The following RBMXL3 variants were observed in gnomAD, a reference collection of about 807,000 sequenced individuals.
The protein encoded by RBMXL3 is RBMX like 3.
Under a neutral mutation model 0.8 loss-of-function variants are expected in RBMXL3, and 2 were observed. The observed-to-expected ratio is 2.54, with a 90% CI of 1.04 to 8.00. The LOEUF (loss-of-function observed/expected upper bound fraction) is 8.00, where lower values mean the gene tolerates loss of function less well. RBMXL3 is among the 30% of genes most tolerant of loss of function. RBMXL3 has a pLI of 0.04. For missense variants in RBMXL3, 1,127 were observed against 1,068.0 expected (o/e 1.06, Z -0.77); for synonymous variants, 447 against 449.8 (o/e 0.99, Z 0.08).
In RBMXL3 at chrX:115,192,217, G is replaced by A. The variant is rs781783386; in HGVS notation, c.2776G>A (p.Gly926Arg). 15 of 1,160,519 alleles carry A rather than the reference G, an allele frequency of 1.3e-5. No homozygotes were observed. Among genetic ancestry groups the A allele is most frequent in the African/African-American group, 5.5e-5 (3 of 54,517 alleles). The change falls in exon 1 of 1, where the codon GGG (glycine) becomes AGG (arginine). Residue 926 changes from glycine to arginine, a missense_variant. By Grantham distance (125) the Gly-to-Arg change is moderately radical. Transcript: ENST00000424776. ...AGGCCGCTCGCCCAATGCCTACGGC[G>A]GGGGCCGCGGCCTCAACAGTTCCAA... is the stretch of plus-strand genomic sequence containing the variant. ...YQGRSPNAYG[G>R]GRGLNSSNNS...
chrX:115,191,248 A>G lies in RBMXL3; in HGVS notation c.1807A>G (p.Ser603Gly). Residue 603 changes from serine to glycine, a missense_variant, in exon 1 of 1, where the codon AGT becomes GGT. Physicochemically the swap from Ser to Gly is moderately conservative, Grantham distance 56. Coordinates refer to ENST00000424776, the MANE Select transcript of RBMXL3 (RefSeq NM_001145346.2). Reference protein sequence around the residue: ...EYRGRSLDANSGGRSPNAYSG... With the variant: ...EYRGRSLDANGGGRSPNAYSG... ...CCGAGGCCGCTCCCTCGATGCCAAC[A>G]GTGGAGGCCGCTCGCCCAATGCCTA... The G allele has an allele frequency of 8.7e-7, 1 of 1,153,171 alleles. No individual in the cohort carries two copies.
At position 115,190,118 on chromosome X, in the gene RBMXL3, C is replaced by T. The variant is rs963276787; in HGVS notation, c.677C>T (p.Pro226Leu). 2.2e-5 allele frequency: 26 copies of T among 1,156,680 alleles called. No homozygotes were observed. The highest frequency in any genetic ancestry group is 2.9e-5 in the Non-Finnish European group (25 of 867,216). Reference sequence around the variant, plus strand: ...GGCAGTGGAATGCCTGGGAAGGCCCCGGCCGTGTGGGGGCAAGATGGCTAC... The same window carrying T: ...GGCAGTGGAATGCCTGGGAAGGCCCTGGCCGTGTGGGGGCAAGATGGCTAC... ...IGGSGMPGKA[P>L]AVWGQDGYSG... is the part of the protein sequence containing the mutation. The change falls in exon 1 of 1, where the codon CCG (proline) becomes CTG (leucine). Residue 226 changes from proline (P) to leucine (L), a missense_variant. Coordinates refer to ENST00000424776, the MANE Select transcript of RBMXL3 (RefSeq NM_001145346.2).
chrX:115,190,302 C>A lies in RBMXL3; in HGVS notation c.861C>A (p.Arg287=). 1.7e-6 allele frequency: 2 copies of A among 1,151,731 alleles called. No homozygotes were observed. Among genetic ancestry groups the A allele is most frequent in the Non-Finnish European group, 1.2e-6 (1 of 863,610 alleles). The allele number at this position is 1,151,731 out of a possible 1,213,427, so 94.9% of individuals were successfully genotyped here. A position where few individuals can be genotyped will look rare whatever the true frequency, so the allele number is the denominator to read the frequency against. Residue 287 remains arginine (R), a synonymous_variant, in exon 1 of 1, where the codon CGC becomes CGA. Coordinates refer to ENST00000424776, the MANE Select transcript of RBMXL3 (RefSeq NM_001145346.2). ...GDGNQNGYRG[R]DHEYTDHPSK... The stretch of plus-strand genomic sequence containing the variant: ...GCAACCAAAATGGCTACAGGGGTCG[C>A]GACCATGAGTACACAGATCATCCCA...
chrX:115,191,823 C>T lies in RBMXL3; in HGVS notation c.2382C>T (p.Arg794=), dbSNP rs782352209. The change falls in exon 1 of 1, where the codon CGC becomes CGT. Residue 794 remains arginine, a synonymous_variant. Transcript: ENST00000424776. ...CGCTCGATGCCAACAGCGGAGGCCG[C>T]TCACCCAATGCCTACAGCGGGGGCC... ...GRSLDANSGG[R]SPNAYSGGHN... is the part of the protein sequence containing the mutation. 4.3e-6 allele frequency: 5 copies of T among 1,150,399 alleles called. No homozygotes were observed. The highest frequency in any genetic ancestry group is 5.8e-6 in the Non-Finnish European group (5 of 862,519). 94.8% of individuals were successfully genotyped at this position (1,150,399 alleles called of 1,213,427 possible).
Position 115,192,423 on chromosome X carries a change from C to T in RBMXL3, c.2982C>T (p.Tyr994=). The change falls in exon 1 of 1, where the codon TAC becomes TAT. Residue 994 remains tyrosine (Y), a synonymous_variant. Transcript: ENST00000424776. ...ACCAGGGCAGCTTGCCTGACGCCTACAGCGGCGACCACGACAGATCCAGCA... is the reference window on the plus strand; with the variant it reads ...ACCAGGGCAGCTTGCCTGACGCCTATAGCGGCGACCACGACAGATCCAGCA... ...EEYQGSLPDA[Y]SGDHDRSSNS... The T allele has an allele frequency of 8.6e-7, 1 of 1,166,602 alleles. No individual in the cohort carries two copies. Among genetic ancestry groups the T allele is most frequent in the Non-Finnish European group, 1.1e-6 (1 of 871,785 alleles).
At position 115,192,494 on chromosome X, in the gene RBMXL3, T is replaced by C; in HGVS notation, c.3053T>C (p.Val1018Ala). 8.5e-7 allele frequency: 1 copy of C among 1,170,325 alleles called. No homozygotes were observed. Among genetic ancestry groups the C allele is most frequent in the Non-Finnish European group, 1.1e-6 (1 of 874,764 alleles). ...CGCTACTCGAGGGGTCGAGACCGGGTAGGCAGACCGGATCGTGGGCTCCCT... is the reference window on the plus strand; with the variant it reads ...CGCTACTCGAGGGGTCGAGACCGGGCAGGCAGACCGGATCGTGGGCTCCCT... ...SDRYSRGRDR[V>A]GRPDRGLPLP... Residue 1018 changes from valine to alanine, a missense_variant, in exon 1 of 1, where the codon GTA (valine) becomes GCA (alanine). Val to Ala is a moderately conservative substitution (Grantham distance 64). Transcript: ENST00000424776.
Position 115,191,829 on chromosome X carries a change from C to G in RBMXL3, c.2388C>G (p.Pro796=), listed in dbSNP as rs782130376. 3.5e-6 allele frequency: 4 copies of G among 1,148,442 alleles called. No homozygotes were observed. In the Admixed American group the frequency reaches 1.1e-4, roughly 31 times the overall value. 94.6% of individuals were successfully genotyped at this position (1,148,442 alleles called of 1,213,427 possible). A position where few individuals can be genotyped will look rare whatever the true frequency, so the allele number is the denominator to read the frequency against. ...ATGCCAACAGCGGAGGCCGCTCACC[C>G]AATGCCTACAGCGGGGGCCACAACA... is the stretch of plus-strand genomic sequence containing the variant. The part of the protein sequence containing the change: ...SLDANSGGRS[P]NAYSGGHNSS... The change falls in exon 1 of 1, where the codon CCC becomes CCG. Residue 796 remains proline (P), a synonymous_variant. Transcript: ENST00000424776.
chrX:115,190,739 C>A lies in RBMXL3; in HGVS notation c.1298C>A (p.Ala433Asp). 9.0e-7 allele frequency: 1 copy of A among 1,116,510 alleles called. No homozygotes were observed. Among genetic ancestry groups the A allele is most frequent in the Non-Finnish European group, 1.2e-6 (1 of 846,978 alleles). 92.0% of individuals were successfully genotyped at this position (1,116,510 alleles called of 1,213,427 possible). The change falls in exon 1 of 1, where the codon GCC becomes GAC. Residue 433 changes from alanine to aspartate, a missense_variant. Physicochemically the swap from Ala to Asp is moderately radical, Grantham distance 126. Coordinates refer to ENST00000424776, the MANE Select transcript of RBMXL3 (RefSeq NM_001145346.2). Reference protein sequence around the residue: ...YEEYRGRSHEARSGGRSTDAH... With the variant: ...YEEYRGRSHEDRSGGRSTDAH... ...GAGTACCGAGGCCGCTCACACGAGG[C>A]CCGCAGCGGGGGCCGCTCCACTGAT...
Position 115,191,197 on chromosome X carries a change from G to A in RBMXL3, c.1756G>A (p.Gly586Arg), listed in dbSNP as rs782358096. 6.1e-5 allele frequency: 71 copies of A among 1,157,674 alleles called. 1 individual carries two copies. In the East Asian group the frequency reaches 7.0e-4, roughly 11 times the overall value. ...HDSSSQSNRY[G>R]GGGCYEEYRG... ...CAGTTCCAGCCAGAGCAACCGCTAC[G>A]GAGGAGGAGGCTGCTACGAGGAGTA... is the stretch of plus-strand genomic sequence containing the variant. The change falls in exon 1 of 1, where the codon GGA becomes AGA. Residue 586 changes from glycine to arginine, a missense_variant. Physicochemically the swap from Gly to Arg is moderately radical, Grantham distance 125. Coordinates refer to ENST00000424776, the MANE Select transcript of RBMXL3 (RefSeq NM_001145346.2).
rs961710908 is a variant in RBMXL3 at position 115,192,747 on chromosome X, T to C, written c.*102T>C. 18 of 858,481 alleles carry C rather than the reference T, an allele frequency of 2.1e-5. No homozygotes were observed. In the African/African-American group the frequency reaches 3.1e-4, roughly 15 times the overall value. 70.7% of individuals were successfully genotyped at this position (858,481 alleles called of 1,213,427 possible). A position where few individuals can be genotyped will look rare whatever the true frequency, so the allele number is the denominator to read the frequency against. ...GGACTAGTATAAGTAGGAGTTGTTT[T>C]TACCTTTTAAGAATTTCCTGTTAAG... On this transcript the variant is annotated 3_prime_UTR_variant, in exon 1 of 1. Coordinates refer to ENST00000424776, the MANE Select transcript of RBMXL3 (RefSeq NM_001145346.2).
At position 115,192,281 on chromosome X, in the gene RBMXL3, G is replaced by C; in HGVS notation, c.2840G>C (p.Gly947Ala). 1 of 1,166,122 alleles carries C rather than the reference G, an allele frequency of 8.6e-7. No individual in the cohort carries two copies. The highest frequency in any genetic ancestry group is 1.9e-5 in the South Asian group (1 of 52,613). The change falls in exon 1 of 1, where the codon GGC (glycine) becomes GCC (alanine). Residue 947 changes from glycine to alanine, a missense_variant. Physicochemically the swap from Gly to Ala is moderately conservative, Grantham distance 60 (BLOSUM62 0). Coordinates refer to ENST00000424776, the MANE Select transcript of RBMXL3 (RefSeq NM_001145346.2). The part of the protein sequence containing the change: ...HGRSHRYGGG[G>A]RYEEYRGPSP... ...CGGAGCCACCGCTACGGAGGAGGAG[G>C]CCGCTACGAGGAGTACCGAGGCCCC...
Position 115,189,754 on chromosome X carries a change from T to C in RBMXL3, c.313T>C (p.Ser105Pro), listed in dbSNP as rs782096253. The C allele has an allele frequency of 1.1e-5, 13 of 1,165,678 alleles. No homozygotes were observed. The Admixed American group carries it at 3.1e-4, about 28-fold the overall frequency. Residue 105 changes from serine to proline, a missense_variant, in exon 1 of 1, where the codon TCA (serine) becomes CCA (proline). Physicochemically the swap from Ser to Pro is moderately conservative, Grantham distance 74. Transcript: ENST00000424776. ...GCCAACCCCCGGCAGCGGCAGTCGC[T>C]CAAGGTTCTCACACAGAACCCGTGG... The part of the protein sequence containing the change: ...VPPTPGSGSR[S>P]RFSHRTRGGG...
Position 115,189,582 on chromosome X carries a change from G to C in RBMXL3, c.141G>C (p.Lys47Asn). ...VFLMKDRKTN[K>N]SRGFAFVTFE... Reference sequence around the variant, plus strand: ...TGATGAAAGACCGAAAAACCAACAAGTCGAGGGGCTTCGCGTTCGTCACCT... The same window carrying C: ...TGATGAAAGACCGAAAAACCAACAACTCGAGGGGCTTCGCGTTCGTCACCT... Residue 47 changes from lysine (K) to asparagine (N), a missense_variant, in exon 1 of 1, where the codon AAG becomes AAC. Coordinates refer to ENST00000424776, the MANE Select transcript of RBMXL3 (RefSeq NM_001145346.2). The C allele has an allele frequency of 8.5e-7, 1 of 1,172,059 alleles. No homozygotes were observed. The highest frequency in any genetic ancestry group is 1.1e-6 in the Non-Finnish European group (1 of 875,068).
At position 115,192,214 on chromosome X, in the gene RBMXL3, G is replaced by A. The variant is rs1184269104; in HGVS notation, c.2773G>A (p.Gly925Ser). ...CCAAGGCCGCTCGCCCAATGCCTAC[G>A]GCGGGGGCCGCGGCCTCAACAGTTC... ...EYQGRSPNAY[G>S]GGRGLNSSNN... The change falls in exon 1 of 1, where the codon GGC becomes AGC. Residue 925 changes from glycine (G) to serine (S), a missense_variant. Coordinates refer to ENST00000424776, the MANE Select transcript of RBMXL3 (RefSeq NM_001145346.2). The A allele has an allele frequency of 3.4e-6, 4 of 1,161,555 alleles. No individual in the cohort carries two copies. The highest frequency in any genetic ancestry group is 4.6e-6 in the Non-Finnish European group (4 of 871,543).
chrX:115,192,171 A>G lies in RBMXL3; in HGVS notation c.2730A>G (p.Gly910=). The G allele has an allele frequency of 1.7e-6, 2 of 1,166,486 alleles. No homozygotes were observed. The highest frequency in any genetic ancestry group is 2.3e-6 in the Non-Finnish European group (2 of 872,714). ...SYGRSDHYGR[G]GCYEEYQGRS... ...GCCGGAGTGACCATTACGGAAGAGG[A>G]GGCTGCTACGAGGAATACCAAGGCC... Residue 910 remains glycine (G), a synonymous_variant, in exon 1 of 1, where the codon GGA becomes GGG. Coordinates refer to ENST00000424776, the MANE Select transcript of RBMXL3 (RefSeq NM_001145346.2).
chrX:115,192,360 G>A lies in RBMXL3; in HGVS notation c.2919G>A (p.Leu973=). 1.9e-6 allele frequency: 2 copies of A among 1,079,072 alleles called. No homozygotes were observed. The highest frequency in any genetic ancestry group is 2.5e-6 in the Non-Finnish European group (2 of 808,122). 88.9% of individuals were successfully genotyped at this position (1,079,072 alleles called of 1,213,427 possible). The change falls in exon 1 of 1, where the codon CTG becomes CTA. Residue 973 remains leucine, a synonymous_variant. Transcript: ENST00000424776. The part of the protein sequence containing the change: ...GRDSSIKSYG[L]SDRYGGGGHY... ...ACAGTTCCATCAAGAGTTACGGCCT[G>A]AGCGACCGCTACGGAGGAGGAGGCC...
chrX:115,189,875 C>A lies in RBMXL3; in HGVS notation c.434C>A (p.Pro145Gln). 2.6e-6 allele frequency: 3 copies of A among 1,164,437 alleles called. No homozygotes were observed. Among genetic ancestry groups the A allele is most frequent in the South Asian group, 1.9e-5 (1 of 52,683 alleles). ...TTCGACCTGTGGCCCTACAGGGCCC[C>A]GATGCCCAGGAAGCGCGGGCCGCCA... Reference protein sequence around the residue: ...GYFDLWPYRAPMPRKRGPPPR... With the variant: ...GYFDLWPYRAQMPRKRGPPPR... The change falls in exon 1 of 1, where the codon CCG (proline) becomes CAG (glutamine). Residue 145 changes from proline to glutamine, a missense_variant. Transcript: ENST00000424776.
rs1472083694 is a variant in RBMXL3 at position 115,190,832 on chromosome X, G to T, written c.1391G>T (p.Cys464Phe). 2 of 1,153,043 alleles carry T rather than the reference G, an allele frequency of 1.7e-6. No individual in the cohort carries two copies. The highest frequency in any genetic ancestry group is 6.7e-5 in the East Asian group (2 of 29,846). Residue 464 changes from cysteine to phenylalanine, a missense_variant, in exon 1 of 1, where the codon TGC (cysteine) becomes TTC (phenylalanine). Transcript: ENST00000424776. The part of the protein sequence containing the change: ...GGHDSSSWSD[C>F]CGGGGRYEEY... ...CATGACAGTTCCAGCTGGAGCGACTGCTGCGGAGGAGGAGGCCGTTATGAG... is the reference window on the plus strand; with the variant it reads ...CATGACAGTTCCAGCTGGAGCGACTTCTGCGGAGGAGGAGGCCGTTATGAG...
At position 115,190,002 on chromosome X, in the gene RBMXL3, G is replaced by A. The variant is rs2072773670; in HGVS notation, c.561G>A (p.Gly187=). The A allele has an allele frequency of 8.6e-7, 1 of 1,161,689 alleles. No homozygotes were observed. Among genetic ancestry groups the A allele is most frequent in the African/African-American group, 1.8e-5 (1 of 56,472 alleles). Residue 187 remains glycine, a synonymous_variant, in exon 1 of 1, where the codon GGG becomes GGA. Coordinates refer to ENST00000424776, the MANE Select transcript of RBMXL3 (RefSeq NM_001145346.2). ...GMRGKAPTVS[G]QDGYSGLQPR... ...GCGGGAAGGCACCGACTGTGTCGGG[G>A]CAAGATGGCTACTCAGGCTTGCAGC...
Sources: gnomAD v4.1 joint callset for allele counts on GRCh38, gnomAD v4.1.1 for gene constraint, MANE v1.5 for transcripts, NCBI Gene and HGNC (gene_info 2026-07-23, HGNC 2026-07-21) for gene names.